Variants in ASTN2 observed in about 807,000 individuals in gnomAD.
ASTN2 encodes astrotactin 2, also known as astrotactin-2.
In ASTN2, 54 loss-of-function variants were observed where a neutral mutation model predicts 139.8. The ratio of observed to expected loss-of-function variants is 0.39; its 90% confidence interval spans 0.31 to 0.48. The LOEUF (loss-of-function observed/expected upper bound fraction) is 0.48, where lower values mean the gene tolerates loss of function less well. ASTN2 is among the 20% of genes least tolerant of loss of function. ASTN2 has a pLI of 0.95. For missense variants in ASTN2, 1,565 were observed against 1,725.1 expected (o/e 0.91, Z 1.64); for synonymous variants, 756 against 719.5 (o/e 1.05, Z -0.81).
chr9:117,284,565 GCATGGT>G (rs1267118545), intron 2 of ASTN2, among the ~76,000 whole-genome samples: 1 of 152,242 alleles, frequency 6.6e-6, no homozygotes, highest in East Asian at 1.9e-4. Context: ...TTCAGAAGGT[GCATGGT>G]CTCACAGATA....
At chr9:117,205,897 C>T (rs553164067) in intron 3 of ASTN2, among the ~76,000 whole-genome samples, 63 of 152,202 alleles carry the variant, frequency 4.1e-4, no homozygotes, top group East Asian at 2.7e-3. Context: ...ACAAGCTCAA[C>T]GATAGACAGT....
chr9:117,208,596 AT>A (rs1474379678), intron 3 of ASTN2, among the ~76,000 whole-genome samples: 1 of 152,228 alleles, frequency 6.6e-6, no homozygotes, highest in East Asian at 1.9e-4. Flanking sequence ...TAGCAAAAAA[AT>A]ATTCCAACGT....
At chr9:116,886,668 GC>G (rs1479883223) in intron 10 of ASTN2, among the ~76,000 whole-genome samples, 1 of 151,892 alleles carries the variant, frequency 6.6e-6, no homozygotes, top group Admixed American at 6.6e-5. Flanking sequence ...TGCCCGACTT[GC>G]TTTTTGTTGT....
intron 7 of ASTN2, among the ~76,000 whole-genome samples, chr9:116,992,548 T>C (rs1267314956): frequency 6.6e-6 from 1 of 152,248 alleles, no homozygotes; most frequent in Non-Finnish European, 1.5e-5. Context: ...CAGTTCATTC[T>C]GGTCCCAGCC....
intron 4 of ASTN2, among the ~76,000 whole-genome samples, chr9:117,136,336 A>G (rs1441541922): frequency 6.6e-6 from 1 of 152,204 alleles, no homozygotes; most frequent in East Asian, 1.9e-4. Flanking sequence ...TGTTAAATTA[A>G]TTAACTGAAA....
Position 116,699,590 on chromosome 9 carries a change from T to C in ASTN2, c.2806+26181A>G, listed in dbSNP as rs886043881. 2 of 1,614,232 alleles carry C rather than the reference T, an allele frequency of 1.2e-6. No homozygotes were observed. Among genetic ancestry groups the C allele is most frequent in the Non-Finnish European group, 1.7e-6 (2 of 1,180,040 alleles). On this transcript the variant is annotated intron_variant, in intron 16 of 22. Transcript: ENST00000313400. The surrounding 1 kb of genome is among the most constrained non-coding windows in gnomAD (Gnocchi z 4.2). ...ATAGTGTCCTTATTCGAGAGGGACTTACCTGTCCGGTGGGCATAGCCCTAA... is the reference window on the plus strand; with the variant it reads ...ATAGTGTCCTTATTCGAGAGGGACTCACCTGTCCGGTGGGCATAGCCCTAA...
intron 11 of ASTN2, among the ~76,000 whole-genome samples, chr9:116,825,654 T>C (rs1017960403): frequency 2.0e-5 from 3 of 152,132 alleles, no homozygotes; most frequent in African/African-American, 7.2e-5. Context: ...AACTGAGAGC[T>C]GGAAGGGGCT....
At chr9:117,132,457 C>T (rs1170761281) in intron 4 of ASTN2, among the ~76,000 whole-genome samples, 17 of 152,176 alleles carry the variant, frequency 1.1e-4, no homozygotes, top group Admixed American at 9.8e-4. Flanking sequence ...CCCTAGGCCC[C>T]ACCAGGATCT....
At position 116,548,042 on chromosome 9, in the gene ASTN2, G is replaced by A. The variant is rs570430873; in HGVS notation, c.3356-60542C>T. On this transcript the variant is annotated intron_variant, in intron 19 of 22. Coordinates refer to ENST00000313400, the MANE Select transcript of ASTN2 (RefSeq NM_001365068.1). ...CCTAGGAGAAAAGCAGCAAACCTGCGTCCTCAGGTGCTCTCCTCTTAGCTC... is the reference window on the plus strand; with the variant it reads ...CCTAGGAGAAAAGCAGCAAACCTGCATCCTCAGGTGCTCTCCTCTTAGCTC... Among the ~76,000 whole-genome samples, 60 of 152,280 alleles carry A rather than the reference G, an allele frequency of 3.9e-4. No individual in the cohort carries two copies. In the East Asian group the frequency reaches 9.1e-3, roughly 23 times the overall value.
chr9:116,948,216 C>A (rs1349554233), intron 10 of ASTN2, among the ~76,000 whole-genome samples: 2 of 152,124 alleles, frequency 1.3e-5, no homozygotes, highest in Non-Finnish European at 2.9e-5. Context: ...ACTCTTTATT[C>A]CTTTGTAATT....
At position 117,365,887 on chromosome 9, in the gene ASTN2, T is replaced by G. The variant is rs978980070; in HGVS notation, c.442+48610A>C. ...GCAGGCCACTTCTCTTATTGCTGTT[T>G]GTAGGTGATGCTCTATGAGCTCCTT... On this transcript the variant is annotated intron_variant, in intron 1 of 22. Coordinates refer to ENST00000313400, the MANE Select transcript of ASTN2 (RefSeq NM_001365068.1). Among the ~76,000 whole-genome samples the G allele has an allele frequency of 4.6e-5, 7 of 152,198 alleles. No individual in the cohort carries two copies. In the East Asian group the frequency reaches 7.7e-4, roughly 17 times the overall value.
chr9:117,222,715 T>C (rs560763581), intron 2 of ASTN2, among the ~76,000 whole-genome samples: 49 of 152,300 alleles, frequency 3.2e-4, no homozygotes, highest in African/African-American at 1.1e-3. Flanking sequence ...GGCTTTTCCC[T>C]TCCCCAGGTG....
chr9:117,201,976 G>A (rs1254074548), intron 3 of ASTN2, among the ~76,000 whole-genome samples: 3 of 152,180 alleles, frequency 2.0e-5, no homozygotes, highest in African/African-American at 7.2e-5. Context: ...GGGAGTCTAA[G>A]TCTCATCATA....
At chr9:117,142,148 T>A (rs1299608108) in intron 3 of ASTN2, among the ~76,000 whole-genome samples, 2 of 152,220 alleles carry the variant, frequency 1.3e-5, no homozygotes, top group African/African-American at 4.8e-5. Flanking sequence ...GAGATGAGAT[T>A]GGAGTGATAA....
chr9:116,529,320 C>T (rs1365347892), intron 19 of ASTN2, among the ~76,000 whole-genome samples: 1 of 152,092 alleles, frequency 6.6e-6, no homozygotes, highest in African/African-American at 2.4e-5. Flanking sequence ...AATGACTGTC[C>T]TGTTGGGTTT....
chr9:116,953,646 T>C (rs1051384062), intron 10 of ASTN2, among the ~76,000 whole-genome samples: 2 of 152,224 alleles, frequency 1.3e-5, no homozygotes, highest in Admixed American at 6.5e-5. Context: ...TTTTTTGTTT[T>C]TTTAACAACA....
At chr9:117,025,178 T>A (rs1271582475) in intron 6 of ASTN2, among the ~76,000 whole-genome samples, 1 of 151,904 alleles carries the variant, frequency 6.6e-6, no homozygotes, top group Non-Finnish European at 1.5e-5. Context: ...CAAAACAGAG[T>A]CTGGGCCTTC....
At chr9:117,201,175 G>A (rs1045905445) in intron 3 of ASTN2, among the ~76,000 whole-genome samples, 1 of 151,822 alleles carries the variant, frequency 6.6e-6, no homozygotes, top group African/African-American at 2.4e-5. Context: ...GGTATTTATG[G>A]TATTCTCTGA....
At chr9:116,688,661 G>A (rs1860402373) in intron 16 of ASTN2, among the ~76,000 whole-genome samples, 1 of 152,174 alleles carries the variant, frequency 6.6e-6, no homozygotes, top group Non-Finnish European at 1.5e-5. Context: ...GAAAGTGGTA[G>A]GCTTTGGGGA....
Sources: gnomAD v4.1 joint callset for allele counts (sites outside exome capture counted in the v4.1 genomes callset) on GRCh38, gnomAD v4.1.1 for gene constraint, Gnocchi (gnomAD v3.1) non-coding constraint, MANE v1.5 for transcripts, NCBI Gene and HGNC (gene_info 2026-07-23, HGNC 2026-07-21) for gene names.